DOP1B: variants seen among roughly 807,000 people sequenced by gnomAD.
DOP1B encodes the protein DOP1 leucine zipper like protein B.
DOP1B carries 174 observed loss-of-function variants against 233.5 expected under a neutral mutation model. The observed-to-expected ratio is 0.75, with a 90% confidence interval of 0.66 to 0.85. DOP1B has a LOEUF of 0.85. DOP1B is among the 40% of genes least tolerant of loss of function. DOP1B has a pLI of 0.00. For missense variants in DOP1B, 2,652 were observed against 2,846.6 expected (o/e 0.93, Z 1.56); for synonymous variants, 1,190 against 1,185.6 (o/e 1.00, Z -0.08).
At chr21:36,171,256 C>T (rs1177623498) in intron 2 of DOP1B, among the ~76,000 whole-genome samples, 1 of 152,152 alleles carries the variant, frequency 6.6e-6, no homozygotes. Flanking sequence ...TCTTTGCTGC[C>T]AGGGACCCTG....
At chr21:36,219,610 G>T (rs2066602617) in intron 10 of DOP1B, 118 bp downstream of exon 10, 2 of 1,399,514 alleles carry the variant, frequency 1.4e-6, no homozygotes, top group East Asian at 2.4e-5. Context: ...GATGCAGCAG[G>T]TGAGACCATT....
At position 36,245,623 on chromosome 21, in the gene DOP1B, C is replaced by T. The variant is rs1569047208; in HGVS notation, c.3643C>T (p.Arg1215Trp). The change falls in exon 19 of 37, where the codon CGG becomes TGG. Residue 1215 changes from arginine (R) to tryptophan (W), a missense_variant. Transcript: ENST00000691173. The surrounding 1 kb of genome is among the most constrained non-coding windows in gnomAD (Gnocchi z 5.5). ...CACATCCAGGCTGCTAAAGCAGCAGCGGGAAAGGCAGGAGGCCGTCGAGGC... is the reference window on the plus strand; with the variant it reads ...CACATCCAGGCTGCTAAAGCAGCAGTGGGAAAGGCAGGAGGCCGTCGAGGC... ...LTTSRLLKQQ[R>W]ERQEAVEALF... 5.0e-6 allele frequency: 8 copies of T among 1,613,260 alleles called. No homozygotes were observed. The highest frequency in any genetic ancestry group is 1.1e-5 in the South Asian group (1 of 91,074).
intron 7 of DOP1B, among the ~76,000 whole-genome samples, chr21:36,213,599 T>C (rs1289987807): frequency 6.6e-6 from 1 of 151,588 alleles, no homozygotes; most frequent in South Asian, 2.1e-4. Flanking sequence ...AAGAGCAGCC[T>C]GGCCAACATG....
At chr21:36,236,237 G>A (rs1322330124) in intron 15 of DOP1B, among the ~76,000 whole-genome samples, 4 of 152,212 alleles carry the variant, frequency 2.6e-5, no homozygotes, top group Admixed American at 2.0e-4. Flanking sequence ...CTGCCACTTG[G>A]CAAGGGGCTG....
intron 21 of DOP1B, among the ~76,000 whole-genome samples, chr21:36,250,934 T>TC (rs887777278): frequency 1.4e-4 from 22 of 152,002 alleles, no homozygotes; most frequent in Admixed American, 3.3e-4. Context: ...CACTGCCCCT[T>TC]CCCCCCGCCG....
intron 2 of DOP1B, among the ~76,000 whole-genome samples, chr21:36,176,794 A>G (rs879691218): frequency 5.9e-5 from 9 of 151,934 alleles, no homozygotes; most frequent in Non-Finnish European, 1.2e-4. Context: ...ATGCAGATCC[A>G]ACTCCCGTTT....
chr21:36,245,124 C>T lies in DOP1B; in HGVS notation c.3144C>T (p.Ser1048=), dbSNP rs1293347604. The change falls in exon 19 of 37, where the codon AGC becomes AGT. Residue 1048 remains serine, a synonymous_variant. Transcript: ENST00000691173. The surrounding 1 kb of genome is among the most constrained non-coding windows in gnomAD (Gnocchi z 5.5). ...GCGCAGTGCCCGAGCCTCAGGAGAG[C>T]GGCTCTGAAGAGCACCTGCCTCTGA... is the stretch of plus-strand genomic sequence containing the variant. ...EACAVPEPQE[S]GSEEHLPLSQ... 4 of 1,613,666 alleles carry T rather than the reference C, an allele frequency of 2.5e-6. No individual in the cohort carries two copies. Among genetic ancestry groups the T allele is most frequent in the South Asian group, 2.2e-5 (2 of 91,076 alleles).
chr21:36,174,778 G>A (rs1290398691), intron 2 of DOP1B, among the ~76,000 whole-genome samples: 2 of 152,132 alleles, frequency 1.3e-5, no homozygotes, highest in Non-Finnish European at 2.9e-5. Flanking sequence ...GGAATTATAG[G>A]CGTGAGCCAC....
At chr21:36,266,763 A>T (rs1248917228) in intron 26 of DOP1B, among the ~76,000 whole-genome samples, 1 of 152,232 alleles carries the variant, frequency 6.6e-6, no homozygotes, top group Non-Finnish European at 1.5e-5. Flanking sequence ...GGGGGCCCCC[A>T]GCCACAACCA....
chr21:36,211,233 T>C (rs546136658), intron 5 of DOP1B, among the ~76,000 whole-genome samples: 3 of 152,378 alleles, frequency 2.0e-5, no homozygotes, highest in African/African-American at 7.2e-5. Flanking sequence ...TATTTTCCCA[T>C]GTGTCTTCAG....
rs192362171 is a variant in DOP1B at position 36,234,706 on chromosome 21, A to C, written c.2622+1631A>C. ...CAGATGTGCGCCCTCACACCTGGCT[A>C]ATTTTTGTATTTTTAGTAGAGACGG... On this transcript the variant is annotated intron_variant, in intron 15 of 36. Coordinates refer to ENST00000691173, the MANE Select transcript of DOP1B (RefSeq NM_001320714.2). Among the ~76,000 whole-genome samples, 945 of 151,988 alleles carry C rather than the reference A, an allele frequency of 6.2e-3. 9 individuals carry two copies. The highest frequency in any genetic ancestry group is 7.8e-3 in the Non-Finnish European group (533 of 67,964).
chr21:36,170,336 G>T (rs1007612030), intron 2 of DOP1B: 45 of 280,134 alleles, frequency 1.6e-4, no homozygotes, highest in African/African-American at 9.6e-4. Flanking sequence ...GGTGGCTCAT[G>T]CCTGTAATCC....
rs2066599474 is a variant in DOP1B at position 36,219,451 on chromosome 21, T to A, written c.1209T>A (p.Asp403Glu). ...YSYCRDALGSDLKLSYTQSGN... is the reference protein window; with the variant it reads ...YSYCRDALGSELKLSYTQSGN... Reference sequence around the variant, plus strand: ...ACTGCAGAGATGCCCTTGGCTCTGATCTTAAACTTAGCTACACCCAGAGTG... The same window carrying A: ...ACTGCAGAGATGCCCTTGGCTCTGAACTTAAACTTAGCTACACCCAGAGTG... The change falls in exon 10 of 37, where the codon GAT (aspartate) becomes GAA (glutamate). Residue 403 changes from aspartate to glutamate, a missense_variant. Physicochemically the swap from Asp to Glu is conservative, Grantham distance 45 (BLOSUM62 2). Coordinates refer to ENST00000691173, the MANE Select transcript of DOP1B (RefSeq NM_001320714.2). 2 of 1,614,054 alleles carry A rather than the reference T, an allele frequency of 1.2e-6. No homozygotes were observed. Among genetic ancestry groups the A allele is most frequent in the Non-Finnish European group, 1.7e-6 (2 of 1,180,034 alleles).
chr21:36,245,059 C>G lies in DOP1B; in HGVS notation c.3079C>G (p.Arg1027Gly), dbSNP rs746958221. ...KQENSADDLH[R>G]WFNRKKTSFR... ...CTTGTAATTTTCAGATGACTTGCAC[C>G]GTTGGTTTAACAGGAAGAAAACCTC... The change falls in exon 19 of 37, where the codon CGT becomes GGT. Residue 1027 changes from arginine to glycine, a missense_variant. Arg to Gly is a moderately radical substitution (Grantham distance 125). Around this residue, in one of 3 missense-constraint regions of DOP1B, gnomAD observed 2,617 missense variants for 2,794.3 expected, o/e 0.94. Coordinates refer to ENST00000691173, the MANE Select transcript of DOP1B (RefSeq NM_001320714.2). This position sits in a 1 kb window ranked among gnomAD's most constrained non-coding sequence, Gnocchi z 5.5. 4 of 1,594,480 alleles carry G rather than the reference C, an allele frequency of 2.5e-6. No individual in the cohort carries two copies. The highest frequency in any genetic ancestry group is 2.6e-6 in the Non-Finnish European group (3 of 1,164,462).
At position 36,289,017 on chromosome 21, in the gene DOP1B, T is replaced by C. The variant is rs538051942; in HGVS notation, c.6354-28T>C. 6.8e-6 allele frequency: 11 copies of C among 1,608,346 alleles called. No homozygotes were observed. In the Admixed American group the frequency reaches 1.4e-4, roughly 20 times the overall value. On this transcript the variant is annotated intron_variant, in intron 34 of 36. Transcript: ENST00000691173. Reference sequence around the variant, plus strand: ...ACTATAACAGATCTGAATGAATTTATAACAAGCGTTTCTTTGCAAATTTAT... The same window carrying C: ...ACTATAACAGATCTGAATGAATTTACAACAAGCGTTTCTTTGCAAATTTAT...
intron 16 of DOP1B, among the ~76,000 whole-genome samples, chr21:36,237,767 C>T (rs1192969516): frequency 6.6e-6 from 1 of 152,186 alleles, no homozygotes; most frequent in African/African-American, 2.4e-5. Flanking sequence ...CGTGGTGGCT[C>T]ACACCCGTAA....
At chr21:36,165,644 G>A (rs2065903105) in intron 2 of DOP1B, among the ~76,000 whole-genome samples, 1 of 151,962 alleles carries the variant, frequency 6.6e-6, no homozygotes, top group South Asian at 2.1e-4. Flanking sequence ...GTGGCACTGG[G>A]TTCTCACTGG....
At chr21:36,258,972 GTTTTTTTTT>G (rs551334908) in intron 23 of DOP1B, among the ~76,000 whole-genome samples, 1 of 116,060 alleles carries the variant, frequency 8.6e-6, no homozygotes, top group Non-Finnish European at 1.7e-5. Flanking sequence ...GCCTTTCACT[GTTTTTTTTT>G]TTTTTTTTTT....
intron 4 of DOP1B, among the ~76,000 whole-genome samples, chr21:36,203,088 GATAA>G (rs531281259): frequency 2.2e-4 from 34 of 152,232 alleles, no homozygotes; most frequent in Non-Finnish European, 4.6e-4. Context: ...TTTCTTAGTT[GATAA>G]ATAAAGGTTC....
Sources: gnomAD v4.1 joint callset for allele counts (sites outside exome capture counted in the v4.1 genomes callset) on GRCh38, gnomAD v4.1.1 for gene constraint, gnomAD v4.1.1 regional missense constraint, Gnocchi (gnomAD v3.1) non-coding constraint, MANE v1.5 for transcripts, NCBI Gene and HGNC (gene_info 2026-07-23, HGNC 2026-07-21) for gene names.